CFAP61: variants seen among roughly 807,000 people sequenced by gnomAD.
CFAP61 encodes the protein cilia- and flagella-associated protein 61.
CFAP61 carries 107 observed loss-of-function variants against 135.6 expected under a neutral mutation model. The ratio of observed to expected loss-of-function variants is 0.79; its 90% confidence interval spans 0.67 to 0.93. The LOEUF (loss-of-function observed/expected upper bound fraction) is 0.93. CFAP61 is among the 40% of genes least tolerant of loss of function. The pLI, the probability that CFAP61 is intolerant of heterozygous loss-of-function variation, is 0.00. For missense variants in CFAP61, 1,507 were observed against 1,556.2 expected (o/e 0.97, Z 0.53); for synonymous variants, 575 against 578.5 (o/e 0.99, Z 0.09).
At chr20:20,218,352 G>C (rs985626517) in intron 17 of CFAP61, among the ~76,000 whole-genome samples, 1 of 152,176 alleles carries the variant, frequency 6.6e-6, no homozygotes, top group Admixed American at 6.5e-5. Flanking sequence ...CACCATGTAA[G>C]AAGTGCCTTT....
chr20:20,129,011 A>C (rs1337537772), intron 8 of CFAP61, among the ~76,000 whole-genome samples: 2 of 151,478 alleles, frequency 1.3e-5, no homozygotes, highest in African/African-American at 2.4e-5. Context: ...TAATTGTTAT[A>C]ACTATTATTA....
chr20:20,096,068 G>A (rs1270294655), intron 7 of CFAP61, among the ~76,000 whole-genome samples: 3 of 152,102 alleles, frequency 2.0e-5, no homozygotes, highest in Non-Finnish European at 2.9e-5. Flanking sequence ...GACACTTGTG[G>A]TGAAAAGTAC....
chr20:20,054,414 T>TACACACACAC (rs371567134), intron 1 of CFAP61, among the ~76,000 whole-genome samples: 17 of 151,478 alleles, frequency 1.1e-4, no homozygotes, highest in South Asian at 6.2e-4. Flanking sequence ...TATATATATA[T>TACACACACAC]ACACACACAC....
intron 2 of CFAP61, among the ~76,000 whole-genome samples, chr20:20,063,572 A>G (rs555886814): frequency 9.2e-5 from 14 of 152,336 alleles, no homozygotes; most frequent in African/African-American, 3.1e-4. Context: ...TCTTAACCTA[A>G]TAAGAATATA....
intron 6 of CFAP61, among the ~76,000 whole-genome samples, chr20:20,088,885 G>A (rs552107274): frequency 3.3e-5 from 5 of 152,206 alleles, no homozygotes; most frequent in Admixed American, 6.5e-5. Context: ...CATTTCAACC[G>A]TTACACTTGT....
intron 7 of CFAP61, among the ~76,000 whole-genome samples, chr20:20,091,859 G>A (rs2047226461): frequency 6.6e-6 from 1 of 152,136 alleles, no homozygotes; most frequent in South Asian, 2.1e-4. Flanking sequence ...TGTATTTTTA[G>A]TAGAGACGGG....
chr20:20,054,670 T>A (rs1027150067), intron 1 of CFAP61, among the ~76,000 whole-genome samples: 1 of 152,232 alleles, frequency 6.6e-6, no homozygotes, highest in African/African-American at 2.4e-5. Flanking sequence ...AAGCTTAATG[T>A]ATTTATTCTC....
chr20:20,056,858 C>A, intron 2 of CFAP61, 62 bp downstream of exon 2: 3 of 1,492,670 alleles, frequency 2.0e-6, no homozygotes, highest in East Asian at 2.3e-5. Context: ...TAGCTCACAC[C>A]TGTAATCTCA....
intron 17 of CFAP61, among the ~76,000 whole-genome samples, chr20:20,204,958 C>T (rs1365408243): frequency 6.6e-6 from 1 of 152,148 alleles, no homozygotes; most frequent in African/African-American, 2.4e-5. Flanking sequence ...TCTTTTCTCT[C>T]AGATTCTTGG....
At chr20:20,137,645 A>AGTG (rs1358211598) in intron 8 of CFAP61, among the ~76,000 whole-genome samples, 2 of 152,088 alleles carry the variant, frequency 1.3e-5, no homozygotes. Context: ...CCTTCAGGGC[A>AGTG]GTGGGCTCTT....
chr20:20,237,874 G>C (rs1264817321), intron 18 of CFAP61, among the ~76,000 whole-genome samples: 1 of 152,096 alleles, frequency 6.6e-6, no homozygotes. Flanking sequence ...TCATTTTCTT[G>C]TTAGGTTCTT....
intron 18 of CFAP61, among the ~76,000 whole-genome samples, chr20:20,238,372 A>C (rs943844824): frequency 1.3e-5 from 2 of 152,354 alleles, no homozygotes; most frequent in Admixed American, 1.3e-4. Flanking sequence ...ATTTATTTTC[A>C]TTGGCAAATA....
chr20:20,056,353 A>T (rs565900719), intron 1 of CFAP61, among the ~76,000 whole-genome samples: 1 of 152,294 alleles, frequency 6.6e-6, no homozygotes, highest in East Asian at 1.9e-4. Flanking sequence ...TTCCAATTCT[A>T]TTGTTAGAAT....
In CFAP61 at chr20:20,126,061, TG is replaced by T. The variant is rs531229972; in HGVS notation, c.860-16795del. 4.9e-3 allele frequency among the ~76,000 whole-genome samples: 745 copies of T among 151,956 alleles called. 8 individuals are homozygous for T. The highest frequency in any genetic ancestry group is 5.9e-3 in the Non-Finnish European group (399 of 68,034). On this transcript the variant is annotated intron_variant, in intron 8 of 26. Transcript: ENST00000245957. ...TGCTTGCTTTTGGTGTCCATTTGCA[TG>T]AAATGCCTTTTCCCACCCCTTTACT... is the stretch of plus-strand genomic sequence containing the variant.
At chr20:20,120,003 C>G (rs1044224979) in intron 8 of CFAP61, among the ~76,000 whole-genome samples, 2 of 152,152 alleles carry the variant, frequency 1.3e-5, no homozygotes, top group African/African-American at 4.8e-5. Context: ...TTGTCTTTAT[C>G]CAGTCTACCA....
chr20:20,213,886 G>A (rs1462186018), intron 17 of CFAP61, among the ~76,000 whole-genome samples: 2 of 151,638 alleles, frequency 1.3e-5, no homozygotes, highest in Admixed American at 6.6e-5. Context: ...AGCTGTTTTC[G>A]CCATGGTGTG....
At chr20:20,291,359 A>G (rs2424331) in intron 24 of CFAP61, among the ~76,000 whole-genome samples, 125,595 of 152,222 alleles carry the variant, frequency 0.83, 52,016 homozygotes, top group Middle Eastern at 0.87. Flanking sequence ...ACTGATCTTC[A>G]TACTGTCTCA....
At chr20:20,251,334 C>A (rs2050882831) in intron 19 of CFAP61, among the ~76,000 whole-genome samples, 1 of 150,508 alleles carries the variant, frequency 6.6e-6, no homozygotes, top group Admixed American at 6.6e-5. Flanking sequence ...TACAGATAAA[C>A]ACACACACAC....
intron 2 of CFAP61, among the ~76,000 whole-genome samples, chr20:20,066,627 T>G (rs2045291495): frequency 6.6e-6 from 1 of 151,706 alleles, no homozygotes; most frequent in African/African-American, 2.4e-5. Context: ...AGTTGTACAA[T>G]GAGAACACAT....
Sources: gnomAD v4.1 joint callset for allele counts (sites outside exome capture counted in the v4.1 genomes callset) on GRCh38, gnomAD v4.1.1 for gene constraint, MANE v1.5 for transcripts, NCBI Gene and HGNC (gene_info 2026-07-23, HGNC 2026-07-21) for gene names.